The following DMD variants were observed in gnomAD, a reference collection of about 807,000 sequenced individuals.
The protein encoded by DMD is mutant dystrophin.
In DMD, 63 loss-of-function variants were observed where a neutral mutation model predicts 330.1. The observed-to-expected ratio is 0.19, with a 90% CI of 0.16 to 0.24. The LOEUF (loss-of-function observed/expected upper bound fraction) is 0.24. Among genes scored for constraint, DMD ranks in the 10% least tolerant of loss-of-function variants. DMD has a pLI of 1.00. For synonymous variants in DMD, 1,223 were observed against 959.8 expected, an observed-to-expected ratio of 1.27 and a Z score of -5.07; for missense variants, 3,344 against 2,684.1, an observed-to-expected ratio of 1.25 and a Z score of -5.43.
At chrX:32,249,813 G>A (rs1331380179) in intron 43 of DMD, among the ~76,000 whole-genome samples, 2 of 111,099 alleles carry the variant, frequency 1.8e-5, no homozygotes, top group Non-Finnish European at 3.8e-5. Flanking sequence ...AACACTCAAG[G>A]AGACCTAAAT....
intron 17 of DMD, among the ~76,000 whole-genome samples, chrX:32,542,713 C>T: frequency 8.9e-6 from 1 of 112,217 alleles, no homozygotes; most frequent in Non-Finnish European, 1.9e-5. Context: ...TTAATCATTA[C>T]AATACTTTAA....
intron 54 of DMD, among the ~76,000 whole-genome samples, chrX:31,629,896 A>G (rs1475896407): frequency 8.9e-6 from 1 of 112,395 alleles, no homozygotes; most frequent in Non-Finnish European, 1.9e-5. Flanking sequence ...ATTCCAGAAT[A>G]TAAATGCAGG....
chrX:33,281,954 GTTT>G (rs1010002370), intron 1 of DMD, among the ~76,000 whole-genome samples: 2 of 109,112 alleles, frequency 1.8e-5, no homozygotes, highest in African/African-American at 6.7e-5. Flanking sequence ...AGATAAAAGT[GTTT>G]CCTAGATAGG....
intron 11 of DMD, among the ~76,000 whole-genome samples, chrX:32,640,902 T>G (rs1408293192): frequency 9.0e-6 from 1 of 111,311 alleles, no homozygotes; most frequent in African/African-American, 3.3e-5. Context: ...CACTACAATA[T>G]GTAATCAGTC....
intron 55 of DMD, among the ~76,000 whole-genome samples, chrX:31,547,216 C>T (rs186734719): frequency 5.4e-5 from 6 of 112,084 alleles, no homozygotes; most frequent in African/African-American, 1.9e-4. Context: ...AGATTAATAG[C>T]TTTCAATTCA....
Position 31,478,976 on chromosome X carries a change from C to A in DMD, c.8668+7G>T. On this transcript the variant is annotated splice_region_variant and intron_variant, in intron 58 of 78. Coordinates refer to ENST00000357033, the MANE Select transcript of DMD (RefSeq NM_004006.3). ...CAATATGTTATTATAGTTCCACATTCAATTACCTCTGGGCTCCTGGTAGAG... is the reference window on the plus strand; with the variant it reads ...CAATATGTTATTATAGTTCCACATTAAATTACCTCTGGGCTCCTGGTAGAG... The A allele has an allele frequency of 8.3e-7, 1 of 1,209,755 alleles. No homozygotes were observed. The highest frequency in any genetic ancestry group is 1.1e-6 in the Non-Finnish European group (1 of 893,967).
chrX:32,393,641 A>T (rs1331432232), intron 30 of DMD, among the ~76,000 whole-genome samples: 1 of 111,324 alleles, frequency 9.0e-6, no homozygotes, highest in African/African-American at 3.3e-5. Flanking sequence ...TATAATATGT[A>T]TTTTTTCAGT....
intron 55 of DMD, among the ~76,000 whole-genome samples, chrX:31,530,647 CTTTTTTTTTT>C (rs1192286078): frequency 2.0e-5 from 1 of 49,845 alleles, no homozygotes; most frequent in South Asian, 1.5e-3. Context: ...ACTGGTTTCT[CTTTTTTTTTT>C]TTTTTTTTTT....
intron 2 of DMD, among the ~76,000 whole-genome samples, chrX:32,969,027 C>CCAA (rs2092280100): frequency 1.0e-4 from 2 of 19,813 alleles, no homozygotes; most frequent in Admixed American, 9.7e-4. Flanking sequence ...GATTCTGTCT[C>CCAA]AAAAAAAAAA....
rs747490085 is a variant in DMD at position 32,156,631 on chromosome X, T to TACACACAC, written c.6438+60277_6438+60284dup. Among the ~76,000 whole-genome samples the TACACACAC allele has an allele frequency of 6.3e-3, 597 of 94,035 alleles. 5 individuals carry two copies. The highest frequency in any genetic ancestry group is 0.021 in the African/African-American group (549 of 25,593). 81.7% of individuals were successfully genotyped at this position (94,035 alleles called of 115,157 possible). On this transcript the variant is annotated intron_variant, in intron 44 of 78. Transcript: ENST00000357033. ...CGTATACTTTTGAATGACAAAAGGA[T>TACACACAC]ACACACACACACACACACACACACA... is the stretch of plus-strand genomic sequence containing the variant.
At chrX:31,453,777 A>AAAAAAAAAAAAAAAAAAAAAAC (rs2065944289) in intron 59 of DMD, among the ~76,000 whole-genome samples, 1 of 103,663 alleles carries the variant, frequency 9.6e-6, no homozygotes, top group African/African-American at 3.5e-5. Flanking sequence ...AAAAAAAAAA[A>AAAAAAAAAAAAAAAAAAAAAAC]AAAAAAAAAA....
At chrX:32,723,092 T>C (rs137907402) in intron 7 of DMD, among the ~76,000 whole-genome samples, 90 of 111,493 alleles carry the variant, frequency 8.1e-4, no homozygotes, top group African/African-American at 2.8e-3. Flanking sequence ...AGCCTTGATG[T>C]TGAGGAAATT....
intron 44 of DMD, among the ~76,000 whole-genome samples, chrX:32,122,035 C>A (rs777846345): frequency 2.3e-4 from 25 of 110,913 alleles, no homozygotes; most frequent in African/African-American, 7.9e-4. Flanking sequence ...GTCTTCAGCA[C>A]CTTTCCTTGG....
chrX:32,930,553 C>T (rs192772252), intron 2 of DMD, among the ~76,000 whole-genome samples: 10 of 110,698 alleles, frequency 9.0e-5, no homozygotes, highest in African/African-American at 2.3e-4. Context: ...CTAATCATAA[C>T]CTGCTTTTCT....
rs760246394 is a variant in DMD at position 32,503,334 on chromosome X, G to A, written c.2293-1492C>T. Among the ~76,000 whole-genome samples, 5 of 112,038 alleles carry A rather than the reference G, an allele frequency of 4.5e-5. No individual in the cohort carries two copies. The South Asian group carries it at 1.9e-3, about 42-fold the overall frequency. Reference sequence around the variant, plus strand: ...CACAGTAGTCTGAGTAGGCTGCAACGAACTATCATTGCGCCACTGTACTCC... The same window carrying A: ...CACAGTAGTCTGAGTAGGCTGCAACAAACTATCATTGCGCCACTGTACTCC... On this transcript the variant is annotated intron_variant, in intron 18 of 78. Transcript: ENST00000357033.
At chrX:32,276,290 G>T (rs1490766285) in intron 43 of DMD, among the ~76,000 whole-genome samples, 1 of 112,327 alleles carries the variant, frequency 8.9e-6, no homozygotes, top group East Asian at 2.8e-4. Context: ...AAACCTGAGA[G>T]GCAGTCTGGG....
chrX:32,450,879 C>T (rs978586230), intron 26 of DMD, among the ~76,000 whole-genome samples: 1 of 110,836 alleles, frequency 9.0e-6, no homozygotes, highest in Admixed American at 9.6e-5. Context: ...ATAAGAGGCT[C>T]AGATCTTGGG....
chrX:31,824,176 G>A (rs1009815811), intron 49 of DMD, among the ~76,000 whole-genome samples: 4 of 112,280 alleles, frequency 3.6e-5, no homozygotes, highest in African/African-American at 1.3e-4. Flanking sequence ...AAGAAAGTTT[G>A]TTGCTGCATT....
chrX:31,168,261 A>G lies in DMD; in HGVS notation c.10553+1182T>C, dbSNP rs2039628580. Among the ~76,000 whole-genome samples the G allele has an allele frequency of 2.7e-5, 3 of 111,796 alleles. No individual in the cohort carries two copies. In the South Asian group the frequency reaches 1.1e-3, roughly 42 times the overall value. On this transcript the variant is annotated intron_variant, in intron 74 of 78. Coordinates refer to ENST00000357033, the MANE Select transcript of DMD (RefSeq NM_004006.3). ...CATAGAAAAAGCAAGTCAAGAGAAT[A>G]TTGTGGAAGGGTTTGAACGCCCCAC... is the stretch of plus-strand genomic sequence containing the variant.
Sources: allele counts gnomAD v4.1 joint callset (sites outside exome capture counted in the v4.1 genomes callset), GRCh38; gene constraint gnomAD v4.1.1; transcripts MANE v1.5; gene names NCBI Gene and HGNC (gene_info 2026-07-23, HGNC 2026-07-21).